Variants in KCNMA1 observed in about 807,000 individuals in gnomAD.
KCNMA1 encodes the protein potassium calcium-activated channel subfamily M alpha 1.
Under a neutral mutation model 140.0 loss-of-function variants are expected in KCNMA1, and 29 were observed. That is an observed-to-expected ratio of 0.21 (90% CI 0.15 to 0.28). The LOEUF (loss-of-function observed/expected upper bound fraction) is 0.28, where lower values mean the gene tolerates loss of function less well. Among genes scored for constraint, KCNMA1 ranks in the 10% least tolerant of loss-of-function variants. The pLI, the probability that KCNMA1 is intolerant of heterozygous loss-of-function variation, is 1.00. For missense variants in KCNMA1, 880 were observed against 1,602.2 expected (o/e 0.55, Z 7.70); for synonymous variants, 612 against 611.9 (o/e 1.00, Z 0.00).
intron 3 of KCNMA1, among the ~76,000 whole-genome samples, chr10:77,214,401 C>G (rs573271191): frequency 6.6e-6 from 1 of 152,286 alleles, no homozygotes; most frequent in Non-Finnish European, 1.5e-5. Context: ...ACTGCACTTA[C>G]AGGCGCCCAG....
intron 25 of KCNMA1, chr10:76,904,741 T>C (rs2047107797): frequency 6.6e-6 from 1 of 152,158 alleles, no homozygotes; most frequent in Admixed American, 6.6e-5. Flanking sequence ...GGTCCAAGGC[T>C]CAAGGAAAAT....
intron 2 of KCNMA1, among the ~76,000 whole-genome samples, chr10:77,281,605 A>G (rs1227998533): frequency 2.0e-5 from 3 of 152,156 alleles, no homozygotes; most frequent in Non-Finnish European, 4.4e-5. Context: ...GAGGAAAATC[A>G]CTAACTCTAT....
chr10:77,360,759 C>A (rs1396461328), intron 2 of KCNMA1, among the ~76,000 whole-genome samples: 2 of 152,198 alleles, frequency 1.3e-5, no homozygotes, highest in Non-Finnish European at 2.9e-5. Context: ...TCCTACCTGG[C>A]CCTTTCCACA....
In KCNMA1 at chr10:77,110,239, A is replaced by G. The variant is rs777870860; in HGVS notation, c.1065T>C (p.Tyr355=). The G allele has an allele frequency of 1.9e-6, 3 of 1,614,114 alleles. No homozygotes were observed. The highest frequency in any genetic ancestry group is 2.5e-6 in the Non-Finnish European group (3 of 1,179,956). ...LLMVTMSTVG[Y]GDVYAKTTLG... is the part of the protein sequence containing the mutation. Reference sequence around the variant, plus strand: ...GTGTGGTTTTTGCATAAACATCCCCATAACCAACGGTGGACATTGTGACCA... The same window carrying G: ...GTGTGGTTTTTGCATAAACATCCCCGTAACCAACGGTGGACATTGTGACCA... The change falls in exon 8 of 28, where the codon TAT becomes TAC. Residue 355 remains tyrosine (Y), a synonymous_variant. Coordinates refer to ENST00000286628, the MANE Select transcript of KCNMA1 (RefSeq NM_001161352.2).
intron 5 of KCNMA1, among the ~76,000 whole-genome samples, chr10:77,145,042 C>CTAT (rs2098262385): frequency 6.6e-6 from 1 of 152,202 alleles, no homozygotes; most frequent in Admixed American, 6.5e-5. Context: ...TCAAACTGGT[C>CTAT]TATATTCTGC....
chr10:77,243,120 G>A (rs974254884), intron 3 of KCNMA1, among the ~76,000 whole-genome samples: 2 of 152,106 alleles, frequency 1.3e-5, no homozygotes, highest in Non-Finnish European at 2.9e-5. Flanking sequence ...AAGACAAGGG[G>A]TAAAAGACAA....
chr10:76,913,763 A>G (rs2152422701), intron 24 of KCNMA1: 2 of 342,322 alleles, frequency 5.8e-6, no homozygotes, highest in South Asian at 7.0e-5. Context: ...AAGTGGGGAA[A>G]AAAGGCTCAG....
intron 3 of KCNMA1, among the ~76,000 whole-genome samples, chr10:77,229,830 C>T (rs2052961023): frequency 2.0e-5 from 3 of 152,074 alleles, no homozygotes; most frequent in African/African-American, 7.2e-5. Context: ...AATTGCAACC[C>T]CCGCATGTTG....
chr10:76,941,018 G>GAAGGAAGGAAGGAAGA lies in KCNMA1; in HGVS notation c.2902+3754_2902+3755insTCTTCCTTCCTTCCTT, dbSNP rs1554960623. On this transcript the variant is annotated intron_variant, in intron 23 of 27. Coordinates refer to ENST00000286628, the MANE Select transcript of KCNMA1 (RefSeq NM_001161352.2). Reference sequence around the variant, plus strand: ...GAAAGAAAGGAAGGAAGGAAGGAAGGAAGAAAGAAAGAAAGAAAGAAAGAA... The same window carrying GAAGGAAGGAAGGAAGA: ...GAAAGAAAGGAAGGAAGGAAGGAAGGAAGGAAGGAAGGAAGAAAGAAAGAAAGAAAGAAAGAAAGAA... Among the ~76,000 whole-genome samples, 141 of 38,222 alleles carry GAAGGAAGGAAGGAAGA rather than the reference G, an allele frequency of 3.7e-3. 3 individuals are homozygous for GAAGGAAGGAAGGAAGA. Among genetic ancestry groups the GAAGGAAGGAAGGAAGA allele is most frequent in the South Asian group, 0.014 (19 of 1,392 alleles). The allele number at this position is 38,222 out of a possible 152,430, so 25.1% of individuals were successfully genotyped here.
At position 76,941,069 on chromosome 10, in the gene KCNMA1, A is replaced by AAGAAAGAAAGAG. The variant is rs1554961013; in HGVS notation, c.2902+3703_2902+3704insCTCTTTCTTTCT. Among the ~76,000 whole-genome samples the AAGAAAGAAAGAG allele has an allele frequency of 9.1e-3, 626 of 68,642 alleles. 5 individuals are homozygous for AAGAAAGAAAGAG. The highest frequency in any genetic ancestry group is 0.017 in the Admixed American group (112 of 6,530). 45.0% of individuals were successfully genotyped at this position (68,642 alleles called of 152,430 possible). On this transcript the variant is annotated intron_variant, in intron 23 of 27. Transcript: ENST00000286628. The stretch of plus-strand genomic sequence containing the variant: ...AGAAAGAAAGAGAAAGAAAGAAAGA[A>AAGAAAGAAAGAG]AAAGAAAGAAAGAAAGAGAAAGAAA...
intron 1 of KCNMA1, among the ~76,000 whole-genome samples, chr10:77,472,423 C>G (rs1173185654): frequency 2.7e-5 from 4 of 148,204 alleles, no homozygotes; most frequent in African/African-American, 1.0e-4. Flanking sequence ...CATAGCACAC[C>G]TAGGCACACT....
intron 1 of KCNMA1, among the ~76,000 whole-genome samples, chr10:77,429,983 A>G (rs929243715): frequency 1.3e-5 from 2 of 152,162 alleles, no homozygotes; most frequent in African/African-American, 4.8e-5. Context: ...ATTTAGATTA[A>G]TCCTCAAGAA....
chr10:77,148,021 A>G (rs1229029902), intron 5 of KCNMA1, among the ~76,000 whole-genome samples: 1 of 151,974 alleles, frequency 6.6e-6, no homozygotes, highest in Admixed American at 6.6e-5. Flanking sequence ...ACAACATGTA[A>G]GGAGGTGCTC....
downstream of KCNMA1, chr10:76,874,420 C>T (rs1042701725): frequency 3.3e-5 from 5 of 152,256 alleles, no homozygotes; most frequent in African/African-American, 1.2e-4. Context: ...TGAAAGAGAC[C>T]TTAGAGTCAT....
At chr10:77,030,692 A>C (rs1277815121) in intron 15 of KCNMA1, among the ~76,000 whole-genome samples, 1 of 152,174 alleles carries the variant, frequency 6.6e-6, no homozygotes, top group Admixed American at 6.5e-5. Context: ...ACTGGATATA[A>C]AAAGAAAAGA....
At chr10:77,097,721 G>A (rs2096970221) in intron 9 of KCNMA1, among the ~76,000 whole-genome samples, 1 of 152,134 alleles carries the variant, frequency 6.6e-6, no homozygotes, top group Admixed American at 6.5e-5. Context: ...AAAAAAAGGA[G>A]GTTCAGCAAT....
At chr10:77,082,279 G>A (rs542351088) in intron 12 of KCNMA1, among the ~76,000 whole-genome samples, 26 of 151,826 alleles carry the variant, frequency 1.7e-4, no homozygotes, top group Non-Finnish European at 2.9e-4. Context: ...TGCCCACCTT[G>A]GCCTCCCAAA....
At chr10:77,304,785 T>C (rs781709052) in intron 2 of KCNMA1, among the ~76,000 whole-genome samples, 33 of 152,210 alleles carry the variant, frequency 2.2e-4, no homozygotes, top group Non-Finnish European at 3.7e-4. Flanking sequence ...AAGATGTTAC[T>C]ACTGCTCTTC....
At chr10:77,604,268 A>T (rs554076342) in intron 1 of KCNMA1, among the ~76,000 whole-genome samples, 1 of 152,202 alleles carries the variant, frequency 6.6e-6, no homozygotes, top group Non-Finnish European at 1.5e-5. Context: ...TCTACACTAA[A>T]CTATCACCTG....
Sources: allele counts gnomAD v4.1 joint callset (sites outside exome capture counted in the v4.1 genomes callset), GRCh38; gene constraint gnomAD v4.1.1; transcripts MANE v1.5; gene names NCBI Gene and HGNC (gene_info 2026-07-23, HGNC 2026-07-21).